Variants in CCDC85C observed in about 807,000 individuals in gnomAD.
The protein encoded by CCDC85C is coiled-coil domain-containing protein 85C.
In CCDC85C, 18 loss-of-function variants were observed where a neutral mutation model predicts 38.3. That is an observed-to-expected ratio of 0.47 (90% CI 0.33 to 0.70). CCDC85C has a LOEUF of 0.70. CCDC85C is among the 30% of genes least tolerant of loss of function. The probability of loss-of-function intolerance (pLI) is 0.03; values close to 1 mark genes in which losing one functional copy is unlikely to be tolerated. For missense variants in CCDC85C, 566 were observed against 621.2 expected (o/e 0.91, Z 0.94); for synonymous variants, 264 against 293.8 (o/e 0.90, Z 1.04).
Position 99,597,913 on chromosome 14 carries a change from A to G in CCDC85C, c.793+5254T>C, listed in dbSNP as rs570773654. ...GAAAGGACATGGAACCCATCCTTTA[A>G]GGCCCAGTTCTAGGATCGAGACATT... On this transcript the variant is annotated intron_variant, in intron 1 of 5. Transcript: ENST00000380243. Among the ~76,000 whole-genome samples, 5 of 152,356 alleles carry G rather than the reference A, an allele frequency of 3.3e-5. No homozygotes were observed. The South Asian group carries it at 1.0e-3, about 32-fold the overall frequency.
intron 1 of CCDC85C, among the ~76,000 whole-genome samples, chr14:99,541,630 T>C (rs766783788): frequency 6.6e-6 from 1 of 152,128 alleles, no homozygotes; most frequent in Non-Finnish European, 1.5e-5. Context: ...GTCCAATGGT[T>C]CACTGGGAGT....
In CCDC85C at chr14:99,603,274, G is replaced by GGCA; in HGVS notation, c.683_685dup (p.Leu228dup). ...GTCGGGGGCCTTGTGCGGCCCGGGGGGCAGCAGCGGGGGTGGGACGTGGTG... is the reference window on the plus strand; with the variant it reads ...GTCGGGGGCCTTGTGCGGCCCGGGGGGCAGCAGCAGCGGGGGTGGGACGTGGTG... On this transcript the variant is annotated inframe_insertion, in exon 1 of 6. Transcript: ENST00000380243. The surrounding 1 kb of genome is among the most constrained non-coding windows in gnomAD (Gnocchi z 7.5). The GGCA allele has an allele frequency of 7.2e-7, 1 of 1,382,402 alleles. No homozygotes were observed. The highest frequency in any genetic ancestry group is 9.3e-7 in the Non-Finnish European group (1 of 1,073,634). The allele number at this position is 1,382,402 out of a possible 1,614,324, so 85.6% of individuals were successfully genotyped here.
chr14:99,602,724 G>A (rs954316664), intron 1 of CCDC85C, among the ~76,000 whole-genome samples: 6 of 152,110 alleles, frequency 3.9e-5, no homozygotes, highest in Admixed American at 3.3e-4. Context: ...GCACACACGT[G>A]GACGCTGCTT....
rs1898478167 is a variant in CCDC85C at position 99,576,450 on chromosome 14, G to C, written c.793+26717C>G. On this transcript the variant is annotated intron_variant, in intron 1 of 5. Coordinates refer to ENST00000380243, the MANE Select transcript of CCDC85C (RefSeq NM_001144995.2). This position sits in a 1 kb window ranked among gnomAD's most constrained non-coding sequence, Gnocchi z 4.8. ...GGGAGCCCCACCCTCAGCTCTGCCT[G>C]GAGACTCCTGACCTGTCTGTCACCT... 6.6e-6 allele frequency: 1 copy of C among 152,484 alleles called. No individual in the cohort carries two copies. The highest frequency in any genetic ancestry group is 2.4e-5 in the African/African-American group (1 of 41,458). The allele number at this position is 152,484 out of a possible 1,614,324, so 9.4% of individuals were successfully genotyped here. A position where few individuals can be genotyped will look rare whatever the true frequency, so the allele number is the denominator to read the frequency against.
chr14:99,552,757 A>G (rs1897935978), intron 1 of CCDC85C, among the ~76,000 whole-genome samples: 2 of 152,232 alleles, frequency 1.3e-5, no homozygotes, highest in Non-Finnish European at 2.9e-5. Context: ...GTGCAGCTGG[A>G]ATCATCGCCC....
Position 99,535,921 on chromosome 14 carries a change from G to T in CCDC85C, c.867+94C>A. 1 of 930,126 alleles carries T rather than the reference G, an allele frequency of 1.1e-6. No individual in the cohort carries two copies. The highest frequency in any genetic ancestry group is 1.4e-5 in the South Asian group (1 of 70,336). The allele number at this position is 930,126 out of a possible 1,614,324, so 57.6% of individuals were successfully genotyped here. On this transcript the variant is annotated intron_variant, in intron 2 of 5. Coordinates refer to ENST00000380243, the MANE Select transcript of CCDC85C (RefSeq NM_001144995.2). The surrounding 1 kb of genome is among the most constrained non-coding windows in gnomAD (Gnocchi z 5.5). ...GGCAGTGGGAGCAGTTGGGGGGACA[G>T]CCTAGGTCCCAAGGGGAAGGGTGCC...
Position 99,536,090 on chromosome 14 carries a change from T to C in CCDC85C, c.794-2A>G. 3 of 1,549,014 alleles carry C rather than the reference T, an allele frequency of 1.9e-6. No individual in the cohort carries two copies. The highest frequency in any genetic ancestry group is 2.6e-6 in the Non-Finnish European group (3 of 1,144,698). ...GCCTGATGTAGGTGGATGAGGGATC[T>C]GGAAGGACACAAGAGGAAGGGGGAC... On this transcript the variant is annotated splice_acceptor_variant, in intron 1 of 5. Transcript: ENST00000380243. LOFTEE classifies it high-confidence loss of function.
At chr14:99,518,770 G>C (rs191276876) in intron 3 of CCDC85C, among the ~76,000 whole-genome samples, 1 of 152,226 alleles carries the variant, frequency 6.6e-6, no homozygotes, top group Admixed American at 6.5e-5. Flanking sequence ...TAGGGGGCTG[G>C]GATTTCTGCA....
chr14:99,604,082 C>T lies in CCDC85C; in HGVS notation c.-123G>A, dbSNP rs990151245. ...GGCCGGGGGCGCGTGCGGCCCGCCC[C>T]GCGCCGCCTGGCGCGTCCTCTCGCC... is the stretch of plus-strand genomic sequence containing the variant. On this transcript the variant is annotated 5_prime_UTR_variant, in exon 1 of 6. Coordinates refer to ENST00000380243, the MANE Select transcript of CCDC85C (RefSeq NM_001144995.2). 7.4e-5 allele frequency: 70 copies of T among 950,946 alleles called. No homozygotes were observed. Among genetic ancestry groups the T allele is most frequent in the Admixed American group, 1.9e-4 (3 of 15,616 alleles). The allele number at this position is 950,946 out of a possible 1,614,324, so 58.9% of individuals were successfully genotyped here.
chr14:99,541,984 C>T (rs1897721944), intron 1 of CCDC85C, among the ~76,000 whole-genome samples: 1 of 152,198 alleles, frequency 6.6e-6, no homozygotes, highest in South Asian at 2.1e-4. Context: ...CTTCCCAGCC[C>T]TGGTCAATTT....
intron 1 of CCDC85C, among the ~76,000 whole-genome samples, chr14:99,538,964 G>A (rs927201899): frequency 1.3e-5 from 2 of 152,178 alleles, no homozygotes; most frequent in African/African-American, 4.8e-5. Flanking sequence ...GCACAGACAG[G>A]TGGCCACACA....
intron 1 of CCDC85C, among the ~76,000 whole-genome samples, chr14:99,547,189 C>T (rs1897823446): frequency 6.6e-6 from 1 of 151,806 alleles, no homozygotes; most frequent in African/African-American, 2.4e-5. Context: ...AGCAAACTCC[C>T]GTCTCTAAAA....
At chr14:99,564,253 G>C (rs1197059840) in intron 1 of CCDC85C, among the ~76,000 whole-genome samples, 2 of 152,176 alleles carry the variant, frequency 1.3e-5, no homozygotes, top group Non-Finnish European at 2.9e-5. Context: ...CTGCGTCCTT[G>C]CTGCTCTCTG....
intron 2 of CCDC85C, among the ~76,000 whole-genome samples, chr14:99,523,639 C>T (rs1897332019): frequency 6.6e-6 from 1 of 152,196 alleles, no homozygotes; most frequent in Non-Finnish European, 1.5e-5. Context: ...GGAGCTGCTT[C>T]CTGGGCCTCA....
chr14:99,587,427 G>C (rs1285877874), intron 1 of CCDC85C, among the ~76,000 whole-genome samples: 1 of 152,174 alleles, frequency 6.6e-6, no homozygotes, highest in African/African-American at 2.4e-5. Flanking sequence ...TTTTGTTTAG[G>C]AAGAAAAGAA....
intron 2 of CCDC85C, among the ~76,000 whole-genome samples, chr14:99,524,831 C>CG (rs1897352716): frequency 6.6e-6 from 1 of 152,058 alleles, no homozygotes; most frequent in Non-Finnish European, 1.5e-5. Context: ...CAGGGGGAGG[C>CG]AGGGGGTCCA....
intron 2 of CCDC85C, among the ~76,000 whole-genome samples, chr14:99,524,575 A>C (rs904475499): frequency 1.8e-4 from 28 of 152,242 alleles, no homozygotes; most frequent in African/African-American, 6.8e-4. Context: ...AGCAAGCCAC[A>C]AAGCCAGGCA....
chr14:99,500,842 T>C lies in CCDC85C; in HGVS notation c.*14404A>G. The C allele has an allele frequency of 6.4e-7, 1 of 1,557,664 alleles. No individual in the cohort carries two copies. The stretch of plus-strand genomic sequence containing the variant: ...TTACAGGTAGAACATCCATACCAGT[T>C]CCTACTAAAATATGCAAAGCAACTC... On this transcript the variant is annotated 3_prime_UTR_variant, in exon 6 of 6. Coordinates refer to ENST00000380243, the MANE Select transcript of CCDC85C (RefSeq NM_001144995.2).
rs555684744 is a variant in CCDC85C, at chr14:99,572,538, C to T, written c.793+30629G>A. 1.3e-5 allele frequency among the ~76,000 whole-genome samples: 2 copies of T among 152,162 alleles called. No homozygotes were observed. The highest frequency in any genetic ancestry group is 2.9e-5 in the Non-Finnish European group (2 of 68,024). ...CCCCAATAGCTCCTCCTACCCTGCC[C>T]CCTTCGGTCACCAGAGTCCAGCCAC... On this transcript the variant is annotated intron_variant, in intron 1 of 5. Transcript: ENST00000380243. This position sits in a 1 kb window ranked among gnomAD's most constrained non-coding sequence, Gnocchi z 4.4.
Sources: allele counts gnomAD v4.1 joint callset (sites outside exome capture counted in the v4.1 genomes callset), GRCh38; gene constraint gnomAD v4.1.1; non-coding constraint Gnocchi (gnomAD v3.1); transcripts MANE v1.5; gene names NCBI Gene and HGNC (gene_info 2026-07-23, HGNC 2026-07-21).